Variants in FAM13B observed in about 807,000 individuals in gnomAD.
The protein encoded by FAM13B is protein FAM13B.
In FAM13B, 60 loss-of-function variants were observed where a neutral mutation model predicts 117.3. The observed-to-expected ratio is 0.51, with a 90% confidence interval of 0.42 to 0.63. The LOEUF (loss-of-function observed/expected upper bound fraction) is 0.63, where lower values mean the gene tolerates loss of function less well. Ranked by LOEUF, FAM13B falls within the 30% of genes least tolerant of loss-of-function variation. The pLI is 0.00. For synonymous variants in FAM13B, 332 were observed against 356.1 expected (o/e 0.93, Z 0.76); for missense variants, 972 against 1,091.9 (o/e 0.89, Z 1.55).
intron 17 of FAM13B, 68 bp downstream of exon 17, chr5:137,952,560 G>A: frequency 1.1e-6 from 1 of 945,446 alleles, no homozygotes; most frequent in Non-Finnish European, 1.6e-6. Flanking sequence ...TTGTATTTGT[G>A]ATTCTCAGAC....
intron 13 of FAM13B, among the ~76,000 whole-genome samples, chr5:137,957,872 G>A (rs1767040328): frequency 6.6e-6 from 1 of 151,934 alleles, no homozygotes; most frequent in Admixed American, 6.6e-5. Flanking sequence ...ATTCTGACAT[G>A]GAAAAAAAAG....
At chr5:137,948,595 T>C (rs1271913689) in intron 18 of FAM13B, among the ~76,000 whole-genome samples, 1 of 151,978 alleles carries the variant, frequency 6.6e-6, no homozygotes, top group Non-Finnish European at 1.5e-5. Context: ...GGGTCTCACT[T>C]TGTTGCTCAG....
Position 137,942,885 on chromosome 5 carries a change from CTCGAGAACTTGACAA to C in FAM13B, c.2563_2577del (p.Leu855_Arg859del). On this transcript the variant is annotated inframe_deletion, in exon 22 of 24. Transcript: ENST00000689681. ...AATCAGCATACATACATAGAAGCTG[CTCGAGAACTTGACAA>C]TCGGAGATCCAGAGCCAGTTTTTCT... is the stretch of plus-strand genomic sequence containing the variant. 6.2e-7 allele frequency: 1 copy of C among 1,608,084 alleles called. No individual in the cohort carries two copies. Among genetic ancestry groups the C allele is most frequent in the Non-Finnish European group, 8.5e-7 (1 of 1,178,582 alleles).
At chr5:137,957,471 C>T (rs1158250383) in intron 13 of FAM13B, among the ~76,000 whole-genome samples, 1 of 142,908 alleles carries the variant, frequency 7.0e-6, no homozygotes, top group East Asian at 2.1e-4. Context: ...ACCTGCGAGG[C>T]GGAAGTTGCG....
intron 23 of FAM13B, among the ~76,000 whole-genome samples, chr5:137,941,072 ATTT>A (rs1581028698): frequency 6.6e-6 from 1 of 151,678 alleles, no homozygotes; most frequent in Non-Finnish European, 1.5e-5. Flanking sequence ...CGCCTGCCTA[ATTT>A]TTTTTGTATT....
chr5:138,045,310 G>T (rs1222676571), intron 1 of FAM13B, among the ~76,000 whole-genome samples: 1 of 152,030 alleles, frequency 6.6e-6, no homozygotes, highest in African/African-American at 2.4e-5. Flanking sequence ...GAGGCAGGCA[G>T]ATCACTTGAG....
chr5:137,958,484 C>T (rs775148813), intron 13 of FAM13B, among the ~76,000 whole-genome samples: 4 of 151,094 alleles, frequency 2.6e-5, no homozygotes, highest in Admixed American at 2.0e-4. Context: ...ACTCCATTTG[C>T]GATCAGGTGA....
chr5:138,025,311 G>GTTTT (rs1313222757), intron 1 of FAM13B, among the ~76,000 whole-genome samples: 1 of 19,610 alleles, frequency 5.1e-5, no homozygotes, highest in African/African-American at 1.6e-4. Context: ...ATATATATAT[G>GTTTT]TATTTTTTTT....
At chr5:137,951,922 A>G (rs1765160097) in intron 17 of FAM13B, among the ~76,000 whole-genome samples, 1 of 152,132 alleles carries the variant, frequency 6.6e-6, no homozygotes, top group Admixed American at 6.5e-5. Flanking sequence ...GGTTGCAGTG[A>G]GCTGAGATGG....
In FAM13B at chr5:137,983,213, A is replaced by AAAAAAAAAAAAAAAAAC. The variant is rs1561492748; in HGVS notation, c.1179+2043_1179+2044insGTTTTTTTTTTTTTTTT. On this transcript the variant is annotated intron_variant, in intron 10 of 23. Coordinates refer to ENST00000689681, the MANE Select transcript of FAM13B (RefSeq NM_001385994.1). ...AAAAAAAAAAAAAAAAAAAAAAAAA[A>AAAAAAAAAAAAAAAAAC]AACCGAGTGAGATATCCTGAATGCC... Among the ~76,000 whole-genome samples the AAAAAAAAAAAAAAAAAC allele has an allele frequency of 3.2e-4, 30 of 93,722 alleles. 4 individuals are homozygous for AAAAAAAAAAAAAAAAAC. The highest frequency in any genetic ancestry group is 5.9e-4 in the Admixed American group (5 of 8,462). The allele number at this position is 93,722 out of a possible 152,430, so 61.5% of individuals were successfully genotyped here. A position where few individuals can be genotyped will look rare whatever the true frequency, so the allele number is the denominator to read the frequency against.
At chr5:137,985,795 A>G (rs773777057) in intron 9 of FAM13B, among the ~76,000 whole-genome samples, 3 of 152,204 alleles carry the variant, frequency 2.0e-5, no homozygotes, top group Non-Finnish European at 4.4e-5. Context: ...CCTACTGCAG[A>G]GTTGTCATCT....
intron 7 of FAM13B, among the ~76,000 whole-genome samples, chr5:138,005,859 TA>T (rs1453939384): frequency 1.3e-5 from 2 of 152,096 alleles, no homozygotes; most frequent in Admixed American, 1.3e-4. Flanking sequence ...CAGTTACTTT[TA>T]AATGACATTT....
chr5:137,968,668 G>A (rs184841530), intron 10 of FAM13B, among the ~76,000 whole-genome samples: 139 of 152,270 alleles, frequency 9.1e-4, no homozygotes, highest in Admixed American at 9.1e-4. Context: ...CGCAAAAGAC[G>A]GGTGATTTCT....
intron 11 of FAM13B, among the ~76,000 whole-genome samples, chr5:137,961,418 T>C (rs1768083643): frequency 6.6e-6 from 1 of 152,124 alleles, no homozygotes; most frequent in Non-Finnish European, 1.5e-5. Flanking sequence ...GGGGTGCCTG[T>C]TAATGTTGTT....
chr5:137,943,375 T>C (rs558979185), intron 20 of FAM13B, among the ~76,000 whole-genome samples, 159 bp from the exon 21 acceptor site: 1 of 152,384 alleles, frequency 6.6e-6, no homozygotes, highest in Non-Finnish European at 1.5e-5. Flanking sequence ...TTTTTGCTTA[T>C]ATTTTTATTT....
At chr5:137,971,727 A>G (rs1410546517) in intron 10 of FAM13B, among the ~76,000 whole-genome samples, 3 of 148,658 alleles carry the variant, frequency 2.0e-5, no homozygotes, top group African/African-American at 7.3e-5. Context: ...AGACTAATAA[A>G]GAAAAAAAGA....
rs1236174642 is a variant in FAM13B at position 138,032,930 on chromosome 5, G to A, written c.-351C>T. 7 of 985,850 alleles carry A rather than the reference G, an allele frequency of 7.1e-6. No individual in the cohort carries two copies. Among genetic ancestry groups the A allele is most frequent in the Non-Finnish European group, 7.2e-6 (6 of 830,238 alleles). 61.1% of individuals were successfully genotyped at this position (985,850 alleles called of 1,614,324 possible). On this transcript the variant is annotated 5_prime_UTR_variant, in exon 1 of 24. Transcript: ENST00000689681. ...GCCGCTGACGGGAGGTTAAAGCTACGGCTGTGGCGCGGGGCCAGCCCGGTA... is the reference window on the plus strand; with the variant it reads ...GCCGCTGACGGGAGGTTAAAGCTACAGCTGTGGCGCGGGGCCAGCCCGGTA...
intron 1 of FAM13B, among the ~76,000 whole-genome samples, chr5:138,022,650 T>G (rs1787071677): frequency 1.3e-5 from 2 of 152,184 alleles, no homozygotes; most frequent in South Asian, 4.1e-4. Context: ...CAGAGATAAG[T>G]TATTTAACAG....
At chr5:138,049,055 C>A (rs1176703265) in intron 1 of FAM13B, among the ~76,000 whole-genome samples, 1 of 151,470 alleles carries the variant, frequency 6.6e-6, no homozygotes, top group Non-Finnish European at 1.5e-5. Flanking sequence ...GATTCTCGTG[C>A]CTCAGCCACC....
Sources: allele counts gnomAD v4.1 joint callset (sites outside exome capture counted in the v4.1 genomes callset), GRCh38; gene constraint gnomAD v4.1.1; transcripts MANE v1.5; gene names NCBI Gene and HGNC (gene_info 2026-07-23, HGNC 2026-07-21).